Variants in GMIP observed in about 807,000 individuals in gnomAD.
GMIP encodes the protein GEM-interacting protein.
In GMIP, 54 loss-of-function variants were observed where a neutral mutation model predicts 105.3. That is an observed-to-expected ratio of 0.51 (90% CI 0.41 to 0.64). GMIP has a LOEUF of 0.64. GMIP is among the 30% of genes least tolerant of loss of function. The pLI, the probability that GMIP is intolerant of heterozygous loss-of-function variation, is 0.00. For missense variants in GMIP, 1,110 were observed against 1,319.4 expected (o/e 0.84, Z 2.46); for synonymous variants, 541 against 560.8 (o/e 0.96, Z 0.50).
In GMIP at chr19:19,630,685, C is replaced by G. The variant is rs1000014813; in HGVS notation, c.2473-148G>C. On this transcript the variant is annotated intron_variant, in intron 19 of 20. Coordinates refer to ENST00000203556, the MANE Select transcript of GMIP (RefSeq NM_016573.4). This position sits in a 1 kb window ranked among gnomAD's most constrained non-coding sequence, Gnocchi z 4.8. ...TAGGAGCATGCCTGGTATGTTAGGA[C>G]GCAGCCCCACCCTGTAATGAATGAG... is the stretch of plus-strand genomic sequence containing the variant. 1.6e-4 allele frequency: 111 copies of G among 675,650 alleles called. No homozygotes were observed. Among genetic ancestry groups the G allele is most frequent in the Non-Finnish European group, 2.3e-4 (88 of 384,190 alleles). The allele number at this position is 675,650 out of a possible 1,614,324, so 41.9% of individuals were successfully genotyped here.
chr19:19,634,076 G>C lies in GMIP; in HGVS notation c.2199C>G (p.Val733=). The change falls in exon 19 of 21, where the codon GTC becomes GTG. Residue 733 remains valine, a synonymous_variant. Coordinates refer to ENST00000203556, the MANE Select transcript of GMIP (RefSeq NM_016573.4). The surrounding 1 kb of genome is among the most constrained non-coding windows in gnomAD (Gnocchi z 6.1). ...DGPRAASAIP[V]TCLLDSGHQA... ...GATGCCCAGAGTCCAGCAGGCAGGT[G>C]ACAGGGATGGCGCTGGCTGCCCGCG... 1 of 1,613,484 alleles carries C rather than the reference G, an allele frequency of 6.2e-7. No individual in the cohort carries two copies. The highest frequency in any genetic ancestry group is 8.5e-7 in the Non-Finnish European group (1 of 1,179,866).
chr19:19,641,229 C>T (rs1416564973), intron 4 of GMIP, among the ~76,000 whole-genome samples: 1 of 152,114 alleles, frequency 6.6e-6, no homozygotes, highest in Non-Finnish European at 1.5e-5. Flanking sequence ...TACAGGCACT[C>T]GCCACTGCGC....
At chr19:19,631,220 C>A in intron 19 of GMIP, among the ~76,000 whole-genome samples, 1 of 152,052 alleles carries the variant, frequency 6.6e-6, no homozygotes, top group East Asian at 1.9e-4. Context: ...AATAAGTGTA[C>A]TGCTTGCCCT....
rs772643972 is a variant in GMIP, at chr19:19,642,589, C to T, written c.50G>A (p.Arg17Lys). The change falls in exon 2 of 21, where the codon AGG becomes AAG. Residue 17 changes from arginine (R) to lysine (K), a missense_variant. Transcript: ENST00000203556. ...CAGGCTCCGGAAGATGTCACTGTAC[C>T]TCTTCCTGCCCTCAGGACCTGGGGG... Reference protein sequence around the residue: ...GLPPGPEGRKRYSDIFRSLDN... With the variant: ...GLPPGPEGRKKYSDIFRSLDN... 1 of 1,608,754 alleles carries T rather than the reference C, an allele frequency of 6.2e-7. No individual in the cohort carries two copies. Among genetic ancestry groups the T allele is most frequent in the Admixed American group, 1.7e-5 (1 of 59,930 alleles).
At chr19:19,642,251 G>A (rs945428600) in intron 2 of GMIP, among the ~76,000 whole-genome samples, 200 bp from the exon 3 acceptor site, 2 of 152,110 alleles carry the variant, frequency 1.3e-5, no homozygotes, top group Non-Finnish European at 2.9e-5. Context: ...AAGGGCCCCA[G>A]ATAACTTTGA....
At chr19:19,641,909 G>C (rs539236200) in intron 3 of GMIP, 42 bp from the exon 4 acceptor site, 1 of 1,607,672 alleles carries the variant, frequency 6.2e-7, no homozygotes, top group Non-Finnish European at 8.5e-7. Context: ...AACAGGGCAG[G>C]GGCCTGGCCT....
chr19:19,635,826 A>G lies in GMIP; in HGVS notation c.1328-105T>C. On this transcript the variant is annotated intron_variant, in intron 13 of 20. Transcript: ENST00000203556. This position sits in a 1 kb window ranked among gnomAD's most constrained non-coding sequence, Gnocchi z 4.7. Reference sequence around the variant, plus strand: ...AATTCCCAAGGGGTCAGAGGTCAGGAGGGGGATTGGACAGGTCAGTGGTTA... The same window carrying G: ...AATTCCCAAGGGGTCAGAGGTCAGGGGGGGGATTGGACAGGTCAGTGGTTA... 1 of 927,334 alleles carries G rather than the reference A, an allele frequency of 1.1e-6. No individual in the cohort carries two copies. Among genetic ancestry groups the G allele is most frequent in the South Asian group, 1.3e-5 (1 of 75,202 alleles). 57.4% of individuals were successfully genotyped at this position (927,334 alleles called of 1,614,324 possible).
At chr19:19,640,692 T>TG in intron 4 of GMIP, 121 bp from the exon 5 acceptor site, 2 of 898,218 alleles carry the variant, frequency 2.2e-6, no homozygotes, top group Non-Finnish European at 3.4e-6. Flanking sequence ...CAAACACTAC[T>TG]TTGGGATCAC....
Position 19,637,681 on chromosome 19 carries a change from G to A in GMIP, c.928-120C>T. ...GTCAGGGTTTGGGACGCACCTGGGC[G>A]GCTTAGGAACTAGGGCAGTCGGCCA... On this transcript the variant is annotated intron_variant, in intron 10 of 20. Coordinates refer to ENST00000203556, the MANE Select transcript of GMIP (RefSeq NM_016573.4). The surrounding 1 kb of genome is among the most constrained non-coding windows in gnomAD (Gnocchi z 6.7). 2.2e-6 allele frequency: 2 copies of A among 924,354 alleles called. No individual in the cohort carries two copies. The highest frequency in any genetic ancestry group is 3.1e-5 in the Admixed American group (1 of 32,604). The allele number at this position is 924,354 out of a possible 1,614,324, so 57.3% of individuals were successfully genotyped here.
intron 19 of GMIP, among the ~76,000 whole-genome samples, chr19:19,633,340 G>C (rs2061815466): frequency 6.6e-6 from 1 of 152,164 alleles, no homozygotes; most frequent in Non-Finnish European, 1.5e-5. Flanking sequence ...TTACAGGCGT[G>C]TGCCACCGCG....
Position 19,629,878 on chromosome 19 carries a change from T to G in GMIP, c.*85A>C. The G allele has an allele frequency of 7.4e-7, 1 of 1,354,326 alleles. No individual in the cohort carries two copies. The highest frequency in any genetic ancestry group is 1.0e-6 in the Non-Finnish European group (1 of 997,792). The allele number at this position is 1,354,326 out of a possible 1,614,324, so 83.9% of individuals were successfully genotyped here. On this transcript the variant is annotated 3_prime_UTR_variant, in exon 21 of 21. Coordinates refer to ENST00000203556, the MANE Select transcript of GMIP (RefSeq NM_016573.4). ...CCAGCATTGAACTCCTGGCGGGGTG[T>G]TTGGCCACTAGGTGGTGGGAGGTAG...
chr19:19,636,909 G>T lies in GMIP; in HGVS notation c.1237+8C>A. 1 of 1,568,112 alleles carries T rather than the reference G, an allele frequency of 6.4e-7. No individual in the cohort carries two copies. The highest frequency in any genetic ancestry group is 8.7e-7 in the Non-Finnish European group (1 of 1,152,458). On this transcript the variant is annotated splice_region_variant and intron_variant, in intron 12 of 20. Coordinates refer to ENST00000203556, the MANE Select transcript of GMIP (RefSeq NM_016573.4). ...GCACCACTCCCACCTGGCCCTCATT[G>T]CACTCACCTTGCCAGCGCCAGCCTG...
Position 19,630,096 on chromosome 19 carries a change from C to T in GMIP, c.2780G>A (p.Arg927His), listed in dbSNP as rs372184985. ...CTCAAAATGCTTGGGCAGCGGGGTG[C>T]GGCGCAGGGGGCTGCCCTCAGGGGA... ...AASPEGSPLR[R>H]TPLPKHFEIT... The change falls in exon 21 of 21, where the codon CGC becomes CAC. Residue 927 changes from arginine to histidine, a missense_variant. Physicochemically the swap from Arg to His is conservative, Grantham distance 29. Transcript: ENST00000203556. The surrounding 1 kb of genome is among the most constrained non-coding windows in gnomAD (Gnocchi z 4.8). 45 of 1,609,960 alleles carry T rather than the reference C, an allele frequency of 2.8e-5. No homozygotes were observed. The highest frequency in any genetic ancestry group is 2.0e-4 in the African/African-American group (15 of 74,984).
In GMIP at chr19:19,630,849, A is replaced by ACTGTGCAC. The variant is rs1265194136; in HGVS notation, c.2473-320_2473-313dup. Among the ~76,000 whole-genome samples the ACTGTGCAC allele has an allele frequency of 2.6e-5, 4 of 152,150 alleles. No homozygotes were observed. The highest frequency in any genetic ancestry group is 5.9e-5 in the Non-Finnish European group (4 of 68,024). ...ATGCACAGGGCATGGACCACCACTG[A>ACTGTGCAC]CTGTGCACCTGTCATCCTTTGCAGT... On this transcript the variant is annotated intron_variant, in intron 19 of 20. Coordinates refer to ENST00000203556, the MANE Select transcript of GMIP (RefSeq NM_016573.4). The surrounding 1 kb of genome is among the most constrained non-coding windows in gnomAD (Gnocchi z 4.8).
In GMIP at chr19:19,629,830, T is replaced by C. The variant is rs2061773176; in HGVS notation, c.*133A>G. ...GGTCATGTATTAAATAGTTTTTCCTTATAGGAACCCTCTGGACCTCTCCCA... is the reference window on the plus strand; with the variant it reads ...GGTCATGTATTAAATAGTTTTTCCTCATAGGAACCCTCTGGACCTCTCCCA... On this transcript the variant is annotated 3_prime_UTR_variant, in exon 21 of 21. Coordinates refer to ENST00000203556, the MANE Select transcript of GMIP (RefSeq NM_016573.4). 2 of 884,054 alleles carry C rather than the reference T, an allele frequency of 2.3e-6. No individual in the cohort carries two copies. The highest frequency in any genetic ancestry group is 3.4e-6 in the Non-Finnish European group (2 of 593,868). 54.8% of individuals were successfully genotyped at this position (884,054 alleles called of 1,614,324 possible).
chr19:19,630,166 G>T lies in GMIP; in HGVS notation c.2710C>A (p.Pro904Thr). ...CCCCGCCCCCGCAAACTCCCTCTGG[G>T]CACTGATGTGATGGGGGTCTCCTCG... ...LCEETPITSVPRGSLRGRGPS... is the reference protein window; with the variant it reads ...LCEETPITSVTRGSLRGRGPS... Residue 904 changes from proline (P) to threonine (T), a missense_variant, in exon 21 of 21, where the codon CCC becomes ACC. This residue lies in a region of GMIP where 394 missense variants were observed against 450.5 expected (regional missense o/e 0.87). Coordinates refer to ENST00000203556, the MANE Select transcript of GMIP (RefSeq NM_016573.4). This position sits in a 1 kb window ranked among gnomAD's most constrained non-coding sequence, Gnocchi z 4.8. 5 of 1,604,274 alleles carry T rather than the reference G, an allele frequency of 3.1e-6. No homozygotes were observed. The highest frequency in any genetic ancestry group is 4.3e-6 in the Non-Finnish European group (5 of 1,173,690).
chr19:19,629,876 T>G lies in GMIP; in HGVS notation c.*87A>C. ...TCCCAGCATTGAACTCCTGGCGGGGTGTTTGGCCACTAGGTGGTGGGAGGT... is the reference window on the plus strand; with the variant it reads ...TCCCAGCATTGAACTCCTGGCGGGGGGTTTGGCCACTAGGTGGTGGGAGGT... On this transcript the variant is annotated 3_prime_UTR_variant, in exon 21 of 21. Transcript: ENST00000203556. The G allele has an allele frequency of 1.5e-6, 2 of 1,303,432 alleles. No individual in the cohort carries two copies. The highest frequency in any genetic ancestry group is 2.1e-6 in the Non-Finnish European group (2 of 954,474). 80.7% of individuals were successfully genotyped at this position (1,303,432 alleles called of 1,614,324 possible). A position where few individuals can be genotyped will look rare whatever the true frequency, so the allele number is the denominator to read the frequency against.
chr19:19,638,101 C>A (rs769963270), intron 9 of GMIP, 44 bp from the exon 10 acceptor site: 1 of 1,549,286 alleles, frequency 6.5e-7, no homozygotes, highest in Non-Finnish European at 8.7e-7. Context: ...CGCGTGTGGG[C>A]GAGAGTGGAG....
In GMIP at chr19:19,636,714, G is replaced by A; in HGVS notation, c.1320C>T (p.Ser440=). The part of the protein sequence containing the change: ...SESRSLDSPT[S]SPGAGTRQLV... ...ACCAGGTCCTATCCCTACCTGGGCT[G>A]GAAGTGGGTGAGTCCAGGGACCGAG... is the stretch of plus-strand genomic sequence containing the variant. Residue 440 remains serine (S), a synonymous_variant, in exon 13 of 21, where the codon TCC becomes TCT. Transcript: ENST00000203556. 6.2e-7 allele frequency: 1 copy of A among 1,611,626 alleles called. No individual in the cohort carries two copies. The highest frequency in any genetic ancestry group is 8.5e-7 in the Non-Finnish European group (1 of 1,178,208).
Sources: allele counts gnomAD v4.1 joint callset (sites outside exome capture counted in the v4.1 genomes callset), GRCh38; gene constraint gnomAD v4.1.1; regional missense constraint gnomAD v4.1.1; non-coding constraint Gnocchi (gnomAD v3.1); transcripts MANE v1.5; gene names NCBI Gene and HGNC (gene_info 2026-07-23, HGNC 2026-07-21).